Variants in CADPS observed in about 807,000 individuals in gnomAD.
CADPS encodes calcium dependent secretion activator, also known as calcium-dependent secretion activator 1.
In CADPS, 57 loss-of-function variants were observed where a neutral mutation model predicts 167.3. That is an observed-to-expected ratio of 0.34 (90% CI 0.28 to 0.42). The LOEUF (loss-of-function observed/expected upper bound fraction) is 0.42, where lower values mean the gene tolerates loss of function less well. Among genes scored for constraint, CADPS ranks in the 20% least tolerant of loss-of-function variants. CADPS has a pLI of 1.00. For synonymous variants in CADPS, 676 were observed against 635.3 expected, an observed-to-expected ratio of 1.06 and a Z score of -0.96; for missense variants, 1,414 against 1,738.1, an observed-to-expected ratio of 0.81 and a Z score of 3.32.
At chr3:62,654,730 T>C (rs1467237053) in intron 4 of CADPS, among the ~76,000 whole-genome samples, 1 of 152,084 alleles carries the variant, frequency 6.6e-6, no homozygotes, top group South Asian at 2.1e-4. Flanking sequence ...CTCCTCATAC[T>C]GGGGCCAAAA....
At chr3:62,778,295 T>C (rs1172472831) in intron 1 of CADPS, among the ~76,000 whole-genome samples, 1 of 152,250 alleles carries the variant, frequency 6.6e-6, no homozygotes, top group Non-Finnish European at 1.5e-5. Context: ...GCAAGAAATG[T>C]CGAGATCATT....
intron 6 of CADPS, 36 bp downstream of exon 6, chr3:62,645,686 C>A: frequency 6.2e-7 from 1 of 1,609,432 alleles, no homozygotes; most frequent in Non-Finnish European, 8.5e-7. Flanking sequence ...TGGCAGCAAC[C>A]CTCTATAAGA....
chr3:62,447,772 G>C (rs1560504923), intron 26 of CADPS, among the ~76,000 whole-genome samples: 1 of 152,132 alleles, frequency 6.6e-6, no homozygotes, highest in African/African-American at 2.4e-5. Context: ...TTTGAGGCAG[G>C]CTCTCCAGAT....
intron 14 of CADPS, 37 bp downstream of exon 14, chr3:62,518,112 A>G: frequency 7.1e-7 from 1 of 1,417,800 alleles, no homozygotes; most frequent in East Asian, 2.3e-5. Context: ...TCCCACTCTC[A>G]TCTCCTAATT....
chr3:62,652,736 A>C lies in CADPS; in HGVS notation c.970-1656T>G, dbSNP rs535511200. Among the ~76,000 whole-genome samples, 7 of 152,266 alleles carry C rather than the reference A, an allele frequency of 4.6e-5. No individual in the cohort carries two copies. The South Asian group carries it at 1.5e-3, about 32-fold the overall frequency. On this transcript the variant is annotated intron_variant, in intron 4 of 29. Transcript: ENST00000383710. ...AGGGAGAGGAGAGAAAAGAAAAGAA[A>C]AGAAAAGAAAGATGCTTTCTAGAGT... is the stretch of plus-strand genomic sequence containing the variant.
chr3:62,506,839 G>A (rs1054238632), intron 17 of CADPS, among the ~76,000 whole-genome samples: 3 of 152,176 alleles, frequency 2.0e-5, no homozygotes, highest in Non-Finnish European at 4.4e-5. Flanking sequence ...GGAGAGGAAT[G>A]CTCTTTTTCT....
At chr3:62,770,610 A>C (rs1226597947) in intron 1 of CADPS, among the ~76,000 whole-genome samples, 1 of 151,966 alleles carries the variant, frequency 6.6e-6, no homozygotes, top group East Asian at 1.9e-4. Flanking sequence ...ATTTTTAGTA[A>C]AGATGGGGTT....
intron 3 of CADPS, among the ~76,000 whole-genome samples, chr3:62,708,967 C>T (rs1165063026): frequency 6.6e-6 from 1 of 152,014 alleles, no homozygotes; most frequent in African/African-American, 2.4e-5. Context: ...TGGGAGGAGG[C>T]TCTGTGCAAT....
intron 27 of CADPS, among the ~76,000 whole-genome samples, chr3:62,443,113 G>T (rs1459687662): frequency 4.6e-5 from 7 of 152,064 alleles, no homozygotes; most frequent in African/African-American, 1.7e-4. Flanking sequence ...TCCAAATCAA[G>T]GTGTTTGTTT....
intron 4 of CADPS, among the ~76,000 whole-genome samples, chr3:62,652,984 G>A (rs1016162236): frequency 2.0e-5 from 3 of 152,110 alleles, no homozygotes; most frequent in African/African-American, 7.2e-5. Flanking sequence ...TCCAGTGCCA[G>A]TCTCCTTCCT....
chr3:62,726,165 A>G lies in CADPS; in HGVS notation c.888+27276T>C, dbSNP rs1165662598. Among the ~76,000 whole-genome samples the G allele has an allele frequency of 1.3e-5, 2 of 151,850 alleles. 1 individual carries two copies. Among genetic ancestry groups the G allele is most frequent in the African/African-American group, 4.9e-5 (2 of 41,140 alleles). On this transcript the variant is annotated intron_variant, in intron 3 of 29. Coordinates refer to ENST00000383710, the MANE Select transcript of CADPS (RefSeq NM_003716.4). ...TGAAGCTCCATCCTTGGGTAATTGA[A>G]GGATGGAGGGATGAGTAGCCTCTGG...
At chr3:62,450,084 T>C (rs1220593222) in intron 26 of CADPS, among the ~76,000 whole-genome samples, 2 of 152,162 alleles carry the variant, frequency 1.3e-5, no homozygotes, top group Admixed American at 6.5e-5. Flanking sequence ...CTGGTGGTGA[T>C]AGTCAGTTTC....
chr3:62,740,075 G>A (rs2079871151), intron 3 of CADPS, among the ~76,000 whole-genome samples: 1 of 152,202 alleles, frequency 6.6e-6, no homozygotes, highest in African/African-American at 2.4e-5. Context: ...ACTGATTGGG[G>A]TTCTGTTGAC....
chr3:62,497,290 A>G (rs938838553), intron 18 of CADPS, among the ~76,000 whole-genome samples: 2 of 152,116 alleles, frequency 1.3e-5, no homozygotes, highest in Non-Finnish European at 2.9e-5. Context: ...TTCTCCTCTG[A>G]TTCACTTAAA....
In CADPS at chr3:62,874,920, C is replaced by G. The variant is rs574548082; in HGVS notation, c.110G>C (p.Arg37Pro). 2.1e-6 allele frequency: 3 copies of G among 1,462,978 alleles called. No homozygotes were observed. The African/African-American group carries it at 4.4e-5, about 21-fold the overall frequency. 90.6% of individuals were successfully genotyped at this position (1,462,978 alleles called of 1,614,324 possible). The change falls in exon 1 of 30, where the codon CGT becomes CCT. Residue 37 changes from arginine (R) to proline (P), a missense_variant. By Grantham distance (103) the Arg-to-Pro change is moderately radical. Around this residue, in one of 6 missense-constraint regions of CADPS, gnomAD observed 522 missense variants for 559.5 expected, o/e 0.93. Coordinates refer to ENST00000383710, the MANE Select transcript of CADPS (RefSeq NM_003716.4). This position sits in a 1 kb window ranked among gnomAD's most constrained non-coding sequence, Gnocchi z 7.1. ...GCTGCCGGCCGAGCCCTCGCTGGTA[C>G]GGCTGGGAGACAGGCGCGCGCCGGA... The part of the protein sequence containing the change: ...APSGARLSPS[R>P]TSEGSAGSAG...
intron 3 of CADPS, among the ~76,000 whole-genome samples, chr3:62,705,113 C>T (rs2151645068): frequency 6.6e-6 from 1 of 152,206 alleles, no homozygotes; most frequent in South Asian, 2.1e-4. Flanking sequence ...CTGGGAGACA[C>T]TAATGGAACT....
intron 7 of CADPS, among the ~76,000 whole-genome samples, chr3:62,588,575 A>G (rs1352431603): frequency 6.6e-6 from 1 of 152,172 alleles, no homozygotes; most frequent in Non-Finnish European, 1.5e-5. Flanking sequence ...AGTAGCTGTC[A>G]AATTTCAAAT....
At chr3:62,735,629 C>T (rs1050961900) in intron 3 of CADPS, among the ~76,000 whole-genome samples, 4 of 152,152 alleles carry the variant, frequency 2.6e-5, no homozygotes, top group Non-Finnish European at 5.9e-5. Flanking sequence ...CATAGCTGCC[C>T]AGCTAGAACT....
At chr3:62,713,946 T>C (rs551650848) in intron 3 of CADPS, among the ~76,000 whole-genome samples, 15 of 152,326 alleles carry the variant, frequency 9.8e-5, no homozygotes, top group Admixed American at 3.3e-4. Context: ...CATATGCAGC[T>C]TTTTAAAAAA....
Sources: allele counts gnomAD v4.1 joint callset (sites outside exome capture counted in the v4.1 genomes callset), GRCh38; gene constraint gnomAD v4.1.1; regional missense constraint gnomAD v4.1.1; non-coding constraint Gnocchi (gnomAD v3.1); transcripts MANE v1.5; gene names NCBI Gene and HGNC (gene_info 2026-07-23, HGNC 2026-07-21).